The following TNRC6A variants were observed in gnomAD, a reference collection of about 807,000 sequenced individuals.
The protein encoded by TNRC6A is trinucleotide repeat containing adaptor 6A.
Under a neutral mutation model 221.2 loss-of-function variants are expected in TNRC6A, and 44 were observed. The observed-to-expected ratio is 0.20, with a 90% CI of 0.16 to 0.26. The LOEUF (loss-of-function observed/expected upper bound fraction) is 0.26. Among genes scored for constraint, TNRC6A ranks in the 10% least tolerant of loss-of-function variants. The pLI is 1.00. For missense variants in TNRC6A, 2,199 were observed against 2,404.4 expected, an observed-to-expected ratio of 0.91 and a Z score of 1.79; for synonymous variants, 847 against 838.5, an observed-to-expected ratio of 1.01 and a Z score of -0.18.
At chr16:24,665,406 T>C (rs2055137628) in intron 2 of TNRC6A, among the ~76,000 whole-genome samples, 1 of 152,134 alleles carries the variant, frequency 6.6e-6, no homozygotes, top group Non-Finnish European at 1.5e-5. Context: ...CCCATCCCAG[T>C]TGAGTCAAAG....
intron 3 of TNRC6A, among the ~76,000 whole-genome samples, chr16:24,757,834 G>A (rs1217938724): frequency 6.6e-6 from 1 of 152,126 alleles, no homozygotes; most frequent in Non-Finnish European, 1.5e-5. Context: ...AAGTTTAATT[G>A]CAATAGCAGC....
At chr16:24,665,029 A>G (rs1441328802) in intron 2 of TNRC6A, 3 of 454,042 alleles carry the variant, frequency 6.6e-6, no homozygotes, top group Non-Finnish European at 1.3e-5. Flanking sequence ...GGCTGATCTG[A>G]TGAGGAGGAA....
chr16:24,780,860 T>G (rs1040366036), intron 5 of TNRC6A, among the ~76,000 whole-genome samples: 1 of 152,008 alleles, frequency 6.6e-6, no homozygotes, highest in Non-Finnish European at 1.5e-5. Context: ...CTGGAGATAT[T>G]TAAAGGTTAA....
At chr16:24,644,199 C>G in intron 2 of TNRC6A, among the ~76,000 whole-genome samples, 1 of 147,498 alleles carries the variant, frequency 6.8e-6, no homozygotes, top group Non-Finnish European at 1.5e-5. Context: ...CCATTCTCCT[C>G]CCTCAACCTC....
In TNRC6A at chr16:24,804,799, C is replaced by A; in HGVS notation, c.3932C>A (p.Ala1311Asp). The change falls in exon 13 of 25, where the codon GCC becomes GAC. Residue 1311 changes from alanine to aspartate, a missense_variant. Physicochemically the swap from Ala to Asp is moderately radical, Grantham distance 126. This residue lies in a region of TNRC6A where 158 missense variants were observed against 159.1 expected (regional missense o/e 0.99). Transcript: ENST00000395799. ...TCAAATAGTGCACTACCTAACCAGG[C>A]CCTTGGCTCCATAGCAGGGCTGGGT... ...PPSNSALPNQ[A>D]LGSIAGLGMQ... 1 of 1,612,086 alleles carries A rather than the reference C, an allele frequency of 6.2e-7. No homozygotes were observed. The highest frequency in any genetic ancestry group is 8.5e-7 in the Non-Finnish European group (1 of 1,179,582).
At chr16:24,645,865 A>AAAAAAAAAT in intron 2 of TNRC6A, among the ~76,000 whole-genome samples, 1 of 145,116 alleles carries the variant, frequency 6.9e-6, no homozygotes, top group Non-Finnish European at 1.5e-5. Context: ...AAAAAAAAAA[A>AAAAAAAAAT]AATTAGCAGG....
intron 4 of TNRC6A, among the ~76,000 whole-genome samples, chr16:24,767,532 T>G (rs2151601917): frequency 6.6e-6 from 1 of 152,316 alleles, no homozygotes; most frequent in Admixed American, 6.5e-5. Context: ...TTTATCAAAT[T>G]TATTTTTTAT....
At chr16:24,715,436 G>T (rs543703397) in intron 2 of TNRC6A, among the ~76,000 whole-genome samples, 11 of 151,756 alleles carry the variant, frequency 7.2e-5, no homozygotes, top group Non-Finnish European at 1.6e-4. Context: ...AGTTAACTTT[G>T]TCCCACCACT....
In TNRC6A at chr16:24,762,237, GCA is replaced by G. The variant is rs1044855129; in HGVS notation, c.163+3880_163+3881del. On this transcript the variant is annotated intron_variant, in intron 4 of 24. Transcript: ENST00000395799. ...TATACATTTTTTCCTGCCACAATTG[GCA>G]CAGTTATTTTTTATCAATTCTAGCC... 2.0e-3 allele frequency among the ~76,000 whole-genome samples: 297 copies of G among 152,238 alleles called. 1 individual carries two copies. Among genetic ancestry groups the G allele is most frequent in the African/African-American group, 6.9e-3 (285 of 41,538 alleles).
At chr16:24,623,184 TA>T (rs1900769131) in intron 1 of TNRC6A, among the ~76,000 whole-genome samples, 1 of 145,146 alleles carries the variant, frequency 6.9e-6, no homozygotes, top group Non-Finnish European at 1.5e-5. Context: ...TTTATTTATT[TA>T]TTTATTTACT....
At chr16:24,760,028 G>C (rs1228296243) in intron 4 of TNRC6A, among the ~76,000 whole-genome samples, 1 of 151,658 alleles carries the variant, frequency 6.6e-6, no homozygotes, top group Non-Finnish European at 1.5e-5. Flanking sequence ...AAACTCCTTT[G>C]CTTAGCTTTC....
At chr16:24,723,025 T>C (rs866406110) in intron 2 of TNRC6A, among the ~76,000 whole-genome samples, 1 of 152,076 alleles carries the variant, frequency 6.6e-6, no homozygotes, top group South Asian at 2.1e-4. Context: ...AGGGTGTTGG[T>C]TGGGTCAAGG....
intron 1 of TNRC6A, among the ~76,000 whole-genome samples, chr16:24,616,137 G>T (rs1900329680): frequency 1.3e-5 from 2 of 151,864 alleles, no homozygotes. Context: ...GATGAGTCTG[G>T]CCAACATGGT....
chr16:24,625,746 A>C (rs925829560), intron 1 of TNRC6A, among the ~76,000 whole-genome samples: 5 of 144,190 alleles, frequency 3.5e-5, no homozygotes, highest in South Asian at 2.2e-4. Context: ...ACAAAAAAAA[A>C]AAAAAAAAAA....
At chr16:24,736,542 C>T (rs1295623547) in intron 2 of TNRC6A, among the ~76,000 whole-genome samples, 2 of 152,158 alleles carry the variant, frequency 1.3e-5, no homozygotes, top group African/African-American at 2.4e-5. Flanking sequence ...TTTTCTGCTT[C>T]TCTCTTGACA....
intron 4 of TNRC6A, among the ~76,000 whole-genome samples, chr16:24,774,202 A>G (rs1168403375): frequency 6.6e-6 from 1 of 152,144 alleles, no homozygotes; most frequent in Non-Finnish European, 1.5e-5. Flanking sequence ...GTCAGTATTG[A>G]TATTTGTTAC....
At chr16:24,717,312 A>G (rs2056331720) in intron 2 of TNRC6A, among the ~76,000 whole-genome samples, 1 of 152,216 alleles carries the variant, frequency 6.6e-6, no homozygotes, top group South Asian at 2.1e-4. Flanking sequence ...GAATCATTAC[A>G]TATAAGAATG....
chr16:24,776,284 A>G, intron 4 of TNRC6A: 1 of 985,148 alleles, frequency 1.0e-6, no homozygotes, highest in Non-Finnish European at 1.2e-6. Context: ...CAGATTTAAG[A>G]TAGAGCATCC....
Position 24,806,578 on chromosome 16 carries a change from G to A in TNRC6A, c.4334G>A (p.Arg1445Gln), listed in dbSNP as rs1164604866. ...GNRPQQDQQG[R>Q]PLSVQQQMMQ... ...CAATCATTTCATTGTTTTAAGGGTC[G>A]ACCTCTTAGTGTGCAGCAGCAAATG... The change falls in exon 17 of 25, where the codon CGA becomes CAA. Residue 1445 changes from arginine to glutamine, a missense_variant. This residue lies in a region of TNRC6A where 449 missense variants were observed against 579.7 expected (regional missense o/e 0.77). Coordinates refer to ENST00000395799, the MANE Select transcript of TNRC6A (RefSeq NM_014494.4). 10 of 1,613,966 alleles carry A rather than the reference G, an allele frequency of 6.2e-6. No homozygotes were observed. The highest frequency in any genetic ancestry group is 1.1e-5 in the South Asian group (1 of 91,038).
Sources: gnomAD v4.1 joint callset for allele counts (sites outside exome capture counted in the v4.1 genomes callset) on GRCh38, gnomAD v4.1.1 for gene constraint, gnomAD v4.1.1 regional missense constraint, MANE v1.5 for transcripts, NCBI Gene and HGNC (gene_info 2026-07-23, HGNC 2026-07-21) for gene names.